BMAL2: variants seen among roughly 807,000 people sequenced by gnomAD.
BMAL2 encodes the protein basic helix-loop-helix ARNT like 2, also known as basic helix-loop-helix ARNT-like protein 2.
At chr12:27,390,490 C>A in the BMAL2 span, 1 of 352,894 alleles carries the variant, frequency 2.8e-6, no homozygotes, top group Non-Finnish European at 5.1e-6. Context: ...AGTTTGGGGC[C>A]TATCAAGTGG....
At chr12:27,364,683 T>G in the BMAL2 span, among the ~76,000 whole-genome samples, 1 of 152,200 alleles carries the variant, frequency 6.6e-6, no homozygotes, top group Non-Finnish European at 1.5e-5. Context: ...CTTGAAAGCT[T>G]CCACCAAAAA....
At chr12:27,396,520 A>T in the BMAL2 span, among the ~76,000 whole-genome samples, 1 of 152,100 alleles carries the variant, frequency 6.6e-6, no homozygotes, top group East Asian at 1.9e-4. Flanking sequence ...CACCTACTAG[A>T]GTTGCTTCCT....
chr12:27,394,701 C>T, the BMAL2 span: 1 of 152,026 alleles, frequency 6.6e-6, no homozygotes, highest in Non-Finnish European at 1.5e-5. Flanking sequence ...TGAATTGTCC[C>T]CCCAGAATTC....
At chr12:27,379,117 G>T in the BMAL2 span, among the ~76,000 whole-genome samples, 1 of 152,248 alleles carries the variant, frequency 6.6e-6, no homozygotes, top group Non-Finnish European at 1.5e-5. Context: ...AGCACAGTTT[G>T]GACAAGCTTA....
At chr12:27,415,860 T>G in the BMAL2 span, 4 of 1,584,314 alleles carry the variant, frequency 2.5e-6, no homozygotes, top group Non-Finnish European at 3.5e-6. Flanking sequence ...TATGTATCAC[T>G]TTTTAAAGGT....
chr12:27,351,482 C>T, the BMAL2 span, among the ~76,000 whole-genome samples: 1 of 152,150 alleles, frequency 6.6e-6, no homozygotes, highest in Non-Finnish European at 1.5e-5. Flanking sequence ...ACAATTTGCC[C>T]TTGAATGCGC....
the BMAL2 span, among the ~76,000 whole-genome samples, chr12:27,407,024 A>G: frequency 4.5e-4 from 69 of 152,370 alleles, 1 homozygote; most frequent in Admixed American, 1.8e-3. Flanking sequence ...AAAGGGATCA[A>G]TTCAACAAGA....
chr12:27,408,853 T>G, the BMAL2 span, among the ~76,000 whole-genome samples: 1 of 152,330 alleles, frequency 6.6e-6, no homozygotes, highest in Middle Eastern at 3.4e-3. Context: ...CCCCATTGTC[T>G]CAGCCCAAAA....
At chr12:27,409,145 A>G in the BMAL2 span, among the ~76,000 whole-genome samples, 1 of 152,336 alleles carries the variant, frequency 6.6e-6, no homozygotes, top group East Asian at 1.9e-4. Flanking sequence ...GGAAGAATCA[A>G]TATCATGAAA....
chr12:27,389,793 G>A, the BMAL2 span: 5 of 235,196 alleles, frequency 2.1e-5, no homozygotes, highest in South Asian at 5.4e-4. Flanking sequence ...TAATAGTTAA[G>A]GTTTTTTTCA....
At chr12:27,412,485 G>A in the BMAL2 span, among the ~76,000 whole-genome samples, 1 of 152,086 alleles carries the variant, frequency 6.6e-6, no homozygotes, top group South Asian at 2.1e-4. Context: ...GAGATGAGGG[G>A]AGAGGTAGTT....
the BMAL2 span, chr12:27,420,811 A>C: frequency 3.6e-6 from 1 of 277,476 alleles, no homozygotes; most frequent in South Asian, 1.5e-4. Flanking sequence ...CAAGAATACT[A>C]CTTACATATT....
chr12:27,402,199 C>T, the BMAL2 span, among the ~76,000 whole-genome samples: 1 of 151,902 alleles, frequency 6.6e-6, no homozygotes, highest in Non-Finnish European at 1.5e-5. Flanking sequence ...AGGATGGCCC[C>T]GTTGTAAGTC....
the BMAL2 span, chr12:27,376,283 T>C: frequency 1.4e-6 from 2 of 1,410,106 alleles, no homozygotes; most frequent in Non-Finnish European, 1.0e-6. Context: ...CATCTATTTC[T>C]CTATCAAGAA....
chr12:27,409,082 A>G, the BMAL2 span, among the ~76,000 whole-genome samples: 2 of 152,186 alleles, frequency 1.3e-5, no homozygotes, highest in Non-Finnish European at 2.9e-5. Context: ...CCACTGCTCA[A>G]TGAAATAAAA....
the BMAL2 span, among the ~76,000 whole-genome samples, chr12:27,351,959 A>G: frequency 1.4e-4 from 21 of 152,304 alleles, no homozygotes; most frequent in Admixed American, 5.2e-4. Flanking sequence ...ACCATTTACT[A>G]TTTCATAAGT....
the BMAL2 span, chr12:27,403,501 A>G: frequency 6.2e-7 from 1 of 1,609,436 alleles, no homozygotes; most frequent in South Asian, 1.1e-5. Context: ...TGCTGGTAGT[A>G]TTGGAACAGA....
chr12:27,408,540 A>G, the BMAL2 span, among the ~76,000 whole-genome samples: 1 of 152,244 alleles, frequency 6.6e-6, no homozygotes, highest in East Asian at 1.9e-4. Context: ...ACAAAATTCA[A>G]CAACGCTTCA....
the BMAL2 span, chr12:27,389,231 C>G: frequency 6.2e-7 from 1 of 1,612,790 alleles, no homozygotes; most frequent in South Asian, 1.1e-5. Flanking sequence ...AAAGATGTTG[C>G]CAAAGTAAAG....
Sources: gnomAD v4.1 joint callset for allele counts (sites outside exome capture counted in the v4.1 genomes callset) on GRCh38, gnomAD v4.1.1 for gene constraint, MANE v1.5 for transcripts, NCBI Gene and HGNC (gene_info 2026-07-23, HGNC 2026-07-21) for gene names.